NDUFS4: variants seen among roughly 807,000 people sequenced by gnomAD.
The protein encoded by NDUFS4 is NADH:ubiquinone oxidoreductase subunit S4.
Under a neutral mutation model 24.3 loss-of-function variants are expected in NDUFS4, and 28 were observed. The ratio of observed to expected loss-of-function variants is 1.15; its 90% CI spans 0.85 to 1.58. The LOEUF (loss-of-function observed/expected upper bound fraction) is 1.58, where lower values mean the gene tolerates loss of function less well. NDUFS4 is among the 40% of genes most tolerant of loss of function. NDUFS4 has a pLI of 0.00. For missense variants in NDUFS4, 223 were observed against 207.9 expected (o/e 1.07, Z -0.45); for synonymous variants, 93 against 69.7 (o/e 1.34, Z -1.67).
At chr5:53,564,120 G>T (rs1457205002) in intron 1 of NDUFS4, among the ~76,000 whole-genome samples, 1 of 152,100 alleles carries the variant, frequency 6.6e-6, no homozygotes, top group African/African-American at 2.4e-5. Context: ...TCTCTTTTAT[G>T]CCCTGATCTG....
At chr5:53,601,252 C>T (rs567567426) in intron 1 of NDUFS4, among the ~76,000 whole-genome samples, 1 of 152,242 alleles carries the variant, frequency 6.6e-6, no homozygotes, top group Non-Finnish European at 1.5e-5. Context: ...ATCCGCCCGC[C>T]TCAGCCTCCC....
At chr5:53,598,543 TTA>T (rs1442998415) in intron 1 of NDUFS4, among the ~76,000 whole-genome samples, 1 of 152,170 alleles carries the variant, frequency 6.6e-6, no homozygotes. Context: ...GTTCCTCATT[TTA>T]TGTTTTCAAA....
rs1751884430 is a variant in NDUFS4 at position 53,646,970 on chromosome 5, AG to A, written c.350+566del. 4.6e-5 allele frequency among the ~76,000 whole-genome samples: 7 copies of A among 152,150 alleles called. No homozygotes were observed. The South Asian group carries it at 1.5e-3, about 32-fold the overall frequency. ...GGGGTTTTGGAACTTGTCCCCCCTC[AG>A]ATAAGGGGGAATACTGTTTTATCCA... On this transcript the variant is annotated intron_variant, in intron 3 of 4. Coordinates refer to ENST00000296684, the MANE Select transcript of NDUFS4 (RefSeq NM_002495.4).
intron 1 of NDUFS4, among the ~76,000 whole-genome samples, chr5:53,586,244 G>A (rs1052670975): frequency 4.7e-5 from 7 of 148,096 alleles, no homozygotes; most frequent in Middle Eastern, 3.2e-3. Flanking sequence ...CAGGAGAATC[G>A]TATGAACCTG....
intron 1 of NDUFS4, among the ~76,000 whole-genome samples, chr5:53,576,223 A>G (rs891930029): frequency 6.6e-6 from 1 of 152,356 alleles, no homozygotes; most frequent in East Asian, 1.9e-4. Flanking sequence ...TAGGTCTTAT[A>G]CAGTGTTTTG....
chr5:53,607,402 CA>C (rs1167631505), intron 2 of NDUFS4, among the ~76,000 whole-genome samples: 2 of 152,092 alleles, frequency 1.3e-5, no homozygotes, highest in Non-Finnish European at 2.9e-5. Flanking sequence ...CCACAAATCT[CA>C]GCATCACAAA....
intron 4 of NDUFS4, among the ~76,000 whole-genome samples, chr5:53,662,448 A>T (rs1398843913): frequency 6.6e-6 from 1 of 152,154 alleles, no homozygotes. Flanking sequence ...TATTGGTCTA[A>T]AAATCTCTTT....
intron 4 of NDUFS4, among the ~76,000 whole-genome samples, chr5:53,671,762 G>A (rs1221758038): frequency 7.9e-5 from 12 of 152,118 alleles, no homozygotes; most frequent in Admixed American, 7.9e-4. Flanking sequence ...GGAAAATTTG[G>A]ATGGTGGAAG....
At chr5:53,612,119 A>G (rs1044323356) in intron 2 of NDUFS4, among the ~76,000 whole-genome samples, 1 of 152,094 alleles carries the variant, frequency 6.6e-6, no homozygotes, top group African/African-American at 2.4e-5. Context: ...ATGACACAAA[A>G]TAAGCTTTAA....
chr5:53,641,792 T>C (rs1751711373), intron 2 of NDUFS4, among the ~76,000 whole-genome samples: 1 of 152,144 alleles, frequency 6.6e-6, no homozygotes. Context: ...TGTGGGTTAG[T>C]TGAAAGAAAG....
At chr5:53,656,304 T>TA (rs776908507) in intron 3 of NDUFS4, among the ~76,000 whole-genome samples, 1 of 152,070 alleles carries the variant, frequency 6.6e-6, no homozygotes, top group African/African-American at 2.4e-5. Flanking sequence ...AAATCTGATA[T>TA]AATATTCTGC....
intron 2 of NDUFS4, among the ~76,000 whole-genome samples, chr5:53,628,489 C>T (rs1316697950): frequency 2.0e-5 from 3 of 152,082 alleles, no homozygotes; most frequent in East Asian, 1.9e-4. Flanking sequence ...TGGTAGAATT[C>T]GGCTATGAAT....
rs576866441 is a variant in NDUFS4 at position 53,598,079 on chromosome 5, C to A, written c.99-5373C>A. 2.6e-5 allele frequency among the ~76,000 whole-genome samples: 4 copies of A among 152,322 alleles called. No individual in the cohort carries two copies. The East Asian group carries it at 7.7e-4, about 29-fold the overall frequency. On this transcript the variant is annotated intron_variant, in intron 1 of 4. Transcript: ENST00000296684. ...TAGTACTACACACCTGTTAGAACGACTGCAATCCAAAATACTGACCACACC... is the reference window on the plus strand; with the variant it reads ...TAGTACTACACACCTGTTAGAACGAATGCAATCCAAAATACTGACCACACC...
At position 53,591,527 on chromosome 5, in the gene NDUFS4, A is replaced by G. The variant is rs553404551; in HGVS notation, c.99-11925A>G. Among the ~76,000 whole-genome samples, 20 of 139,814 alleles carry G rather than the reference A, an allele frequency of 1.4e-4. 1 individual carries two copies. In the South Asian group the frequency reaches 4.1e-3, roughly 29 times the overall value. The allele number at this position is 139,814 out of a possible 152,430, so 91.7% of individuals were successfully genotyped here. A position where few individuals can be genotyped will look rare whatever the true frequency, so the allele number is the denominator to read the frequency against. ...GTGGTATCTTATGGTTTTCTTTTTC[A>G]TTTCCCTAGCACTCTTTTGCATGTT... On this transcript the variant is annotated intron_variant, in intron 1 of 4. Transcript: ENST00000296684.
chr5:53,609,451 C>A (rs568489288), intron 2 of NDUFS4, among the ~76,000 whole-genome samples: 42 of 152,138 alleles, frequency 2.8e-4, no homozygotes, highest in Admixed American at 5.9e-4. Context: ...GTAAACCATG[C>A]TGTAAACAAC....
intron 1 of NDUFS4, among the ~76,000 whole-genome samples, chr5:53,593,168 T>C (rs1035903190): frequency 2.0e-5 from 3 of 152,166 alleles, no homozygotes; most frequent in Non-Finnish European, 4.4e-5. Flanking sequence ...CTGGACGTTA[T>C]GGTTTCTTTT....
At chr5:53,681,511 G>T (rs1160244958) in intron 4 of NDUFS4, among the ~76,000 whole-genome samples, 2 of 152,008 alleles carry the variant, frequency 1.3e-5, no homozygotes, top group African/African-American at 4.8e-5. Flanking sequence ...TAAATTTTTT[G>T]AAATGGAGAT....
intron 2 of NDUFS4, among the ~76,000 whole-genome samples, chr5:53,624,424 T>G (rs926072791): frequency 6.6e-6 from 1 of 152,208 alleles, no homozygotes; most frequent in Non-Finnish European, 1.5e-5. Context: ...TTGATTGCTT[T>G]GGGTAGTATT....
At chr5:53,611,194 A>C (rs1050091093) in intron 2 of NDUFS4, among the ~76,000 whole-genome samples, 3 of 151,794 alleles carry the variant, frequency 2.0e-5, no homozygotes, top group African/African-American at 7.3e-5. Context: ...AAGTACAAAG[A>C]AAAACTTGTG....
Sources: allele counts gnomAD v4.1 joint callset (sites outside exome capture counted in the v4.1 genomes callset), GRCh38; gene constraint gnomAD v4.1.1; transcripts MANE v1.5; gene names NCBI Gene and HGNC (gene_info 2026-07-23, HGNC 2026-07-21).